The following TENM4 variants were observed in gnomAD, a reference collection of about 807,000 sequenced individuals.
The protein encoded by TENM4 is teneurin-4.
A neutral mutation model predicts 243.3 loss-of-function variants in TENM4; 82 were observed. That is an observed-to-expected ratio of 0.34 (90% confidence interval 0.28 to 0.40). TENM4 has a LOEUF of 0.40. TENM4 is among the 10% of genes least tolerant of loss of function. The pLI is 1.00. For synonymous variants in TENM4, 1,412 were observed against 1,456.3 expected (o/e 0.97, Z 0.69); for missense variants, 3,138 against 3,673.3 (o/e 0.85, Z 3.77).
intron 2 of TENM4, among the ~76,000 whole-genome samples, chr11:79,288,616 G>T (rs1439356896): frequency 6.6e-6 from 1 of 152,194 alleles, no homozygotes; most frequent in East Asian, 1.9e-4. Context: ...ATAAATCCCA[G>T]CTTATCTTCA....
intron 1 of TENM4, among the ~76,000 whole-genome samples, chr11:79,319,326 GAC>G (rs1856850743): frequency 6.6e-6 from 1 of 152,062 alleles, no homozygotes; most frequent in African/African-American, 2.4e-5. Flanking sequence ...AAAAAAAGAA[GAC>G]AGTCTATTTC....
chr11:78,743,354 T>C (rs765130082), intron 19 of TENM4, among the ~76,000 whole-genome samples: 12 of 152,184 alleles, frequency 7.9e-5, no homozygotes, highest in Non-Finnish European at 1.0e-4. Context: ...ATTCCCAGCA[T>C]TGATCACGGT....
intron 1 of TENM4, among the ~76,000 whole-genome samples, chr11:79,342,922 C>T (rs1565307608): frequency 6.6e-6 from 1 of 152,218 alleles, no homozygotes; most frequent in Non-Finnish European, 1.5e-5. Context: ...TGTCCTTGTC[C>T]AAAACTGGGC....
chr11:78,812,278 T>C lies in TENM4; in HGVS notation c.1822A>G (p.Met608Val), dbSNP rs760808415. The change falls in exon 14 of 34, where the codon ATG (methionine) becomes GTG (valine). Residue 608 changes from methionine to valine, a missense_variant. Met to Val is a conservative substitution (Grantham distance 21). Around this residue, in one of 2 missense-constraint regions of TENM4, gnomAD observed 2,467 missense variants for 3,059.1 expected, o/e 0.81. Coordinates refer to ENST00000278550, the MANE Select transcript of TENM4 (RefSeq NM_001098816.3). ...CTGTGGCACAAGCATCTGCCTTTCATGTATTGGCCATTTCCGCTACAGAGC... is the reference window on the plus strand; with the variant it reads ...CTGTGGCACAAGCATCTGCCTTTCACGTATTGGCCATTTCCGCTACAGAGC... ...PVLCSGNGQYMKGRCLCHSGW... is the reference protein window; with the variant it reads ...PVLCSGNGQYVKGRCLCHSGW... 3.9e-6 allele frequency: 6 copies of C among 1,551,902 alleles called. No individual in the cohort carries two copies. Among genetic ancestry groups the C allele is most frequent in the Admixed American group, 2.0e-5 (1 of 51,012 alleles).
At chr11:79,343,223 G>A (rs1034464658) in intron 1 of TENM4, among the ~76,000 whole-genome samples, 1 of 152,248 alleles carries the variant, frequency 6.6e-6, no homozygotes, top group African/African-American at 2.4e-5. Context: ...TGCCCAGCAT[G>A]GGAGCAGGTG....
chr11:78,804,563 C>A (rs1857349881), intron 15 of TENM4, among the ~76,000 whole-genome samples: 1 of 152,120 alleles, frequency 6.6e-6, no homozygotes, highest in Admixed American at 6.6e-5. Context: ...TTGAAAGGAC[C>A]TGTAAATCAT....
intron 32 of TENM4, among the ~76,000 whole-genome samples, chr11:78,668,216 C>T (rs1858209850): frequency 6.6e-6 from 1 of 152,016 alleles, no homozygotes; most frequent in African/African-American, 2.4e-5. Context: ...TTTTCCTGCC[C>T]TCTTTGGATT....
At chr11:79,243,920 A>G (rs1165203456) in intron 2 of TENM4, among the ~76,000 whole-genome samples, 1 of 152,192 alleles carries the variant, frequency 6.6e-6, no homozygotes, top group African/African-American at 2.4e-5. Context: ...ACGAGATTCA[A>G]CTGGGAGTCT....
intron 6 of TENM4, among the ~76,000 whole-genome samples, chr11:78,944,639 A>G (rs1045320868): frequency 5.3e-5 from 8 of 152,238 alleles, no homozygotes; most frequent in African/African-American, 1.9e-4. Context: ...GTGCCCAAGA[A>G]CAATACTTGA....
Position 79,361,761 on chromosome 11 carries a change from G to A in TENM4, c.-320-64218C>T, listed in dbSNP as rs144293304. On this transcript the variant is annotated intron_variant, in intron 1 of 33. Transcript: ENST00000278550. ...GTGTTATAGATGGAAAATAAATATC[G>A]CAACAGAAAAAAAAAATACAGAGAC... Among the ~76,000 whole-genome samples the A allele has an allele frequency of 2.5e-4, 38 of 151,120 alleles. 1 individual carries two copies. In the East Asian group the frequency reaches 7.2e-3, roughly 28 times the overall value.
At chr11:78,978,096 A>T (rs1857705635) in intron 6 of TENM4, among the ~76,000 whole-genome samples, 1 of 152,088 alleles carries the variant, frequency 6.6e-6, no homozygotes, top group Non-Finnish European at 1.5e-5. Context: ...CAGCAAACTA[A>T]CACAGGAACA....
chr11:78,905,219 C>T (rs1856036114), intron 6 of TENM4, among the ~76,000 whole-genome samples: 2 of 152,164 alleles, frequency 1.3e-5, no homozygotes, highest in Non-Finnish European at 2.9e-5. Flanking sequence ...AGCAATATTC[C>T]AAAAGCTGTG....
At chr11:78,830,147 C>T (rs1243005278) in intron 12 of TENM4, among the ~76,000 whole-genome samples, 1 of 152,240 alleles carries the variant, frequency 6.6e-6, no homozygotes, top group African/African-American at 2.4e-5. Context: ...ACATTACTCC[C>T]TCTTTCTGTG....
At chr11:79,058,435 C>T (rs1421383461) in intron 6 of TENM4, among the ~76,000 whole-genome samples, 1 of 151,622 alleles carries the variant, frequency 6.6e-6, no homozygotes, top group Non-Finnish European at 1.5e-5. Flanking sequence ...GTCCCAGCTA[C>T]TGGGGAGGCT....
chr11:79,057,441 C>T (rs567389533), intron 6 of TENM4, among the ~76,000 whole-genome samples: 2 of 152,260 alleles, frequency 1.3e-5, no homozygotes, highest in South Asian at 2.1e-4. Flanking sequence ...CCTCACCTAC[C>T]GCAAGGCTAT....
At chr11:78,824,354 G>A (rs1857803179) in intron 12 of TENM4, among the ~76,000 whole-genome samples, 2 of 152,254 alleles carry the variant, frequency 1.3e-5, no homozygotes, top group Middle Eastern at 3.4e-3. Flanking sequence ...GCGAGTGGGG[G>A]TAGGTGCTAC....
intron 1 of TENM4, among the ~76,000 whole-genome samples, chr11:79,307,996 G>C (rs1035651233): frequency 2.6e-5 from 4 of 152,260 alleles, no homozygotes; most frequent in African/African-American, 9.6e-5. Context: ...ATTGGGAGAT[G>C]TTGGTCTGAT....
At chr11:79,361,282 T>C (rs963709165) in intron 1 of TENM4, among the ~76,000 whole-genome samples, 1 of 152,222 alleles carries the variant, frequency 6.6e-6, no homozygotes, top group African/African-American at 2.4e-5. Context: ...TAAACGTAAC[T>C]TGTGTCAGAT....
chr11:79,144,919 A>G (rs1862369248), intron 4 of TENM4, among the ~76,000 whole-genome samples: 1 of 151,902 alleles, frequency 6.6e-6, no homozygotes, highest in South Asian at 2.1e-4. Context: ...TAAAAATAAC[A>G]AACTGTATAA....
Sources: allele counts gnomAD v4.1 joint callset (sites outside exome capture counted in the v4.1 genomes callset), GRCh38; gene constraint gnomAD v4.1.1; regional missense constraint gnomAD v4.1.1; transcripts MANE v1.5; gene names NCBI Gene and HGNC (gene_info 2026-07-23, HGNC 2026-07-21).